Variants in FBXL13 observed in about 807,000 individuals in gnomAD.
The protein encoded by FBXL13 is F-box and leucine-rich repeat protein 13.
A neutral mutation model predicts 83.6 loss-of-function variants in FBXL13; 67 were observed. The ratio of observed to expected loss-of-function variants is 0.80; its 90% CI spans 0.66 to 0.98. The LOEUF is 0.98. Among genes scored for constraint, FBXL13 ranks in the 50% least tolerant of loss-of-function variants. The probability of loss-of-function intolerance (pLI) is 0.00; values close to 1 mark genes in which losing one functional copy is unlikely to be tolerated. For missense variants in FBXL13, 822 were observed against 866.5 expected, an observed-to-expected ratio of 0.95 and a Z score of 0.64; for synonymous variants, 272 against 299.5, an observed-to-expected ratio of 0.91 and a Z score of 0.95.
At chr7:102,915,060 T>C (rs1815561235) in intron 10 of FBXL13, among the ~76,000 whole-genome samples, 1 of 152,130 alleles carries the variant, frequency 6.6e-6, no homozygotes. Flanking sequence ...GCCCTGACAC[T>C]TACTGCAACC....
chr7:102,973,254 C>T (rs928753806), intron 6 of FBXL13: 6 of 349,424 alleles, frequency 1.7e-5, no homozygotes, highest in Admixed American at 1.4e-4. Context: ...GAATGAGTAA[C>T]TCCTCTCTTC....
chr7:102,817,680 T>TA (rs1237118683), intron 19 of FBXL13, among the ~76,000 whole-genome samples: 1 of 152,154 alleles, frequency 6.6e-6, no homozygotes, highest in African/African-American at 2.4e-5. Flanking sequence ...CCCCTCCCCT[T>TA]TCTCTCTTAA....
At chr7:102,833,675 A>C (rs1584502911) in intron 17 of FBXL13, among the ~76,000 whole-genome samples, 2 of 146,182 alleles carry the variant, frequency 1.4e-5, no homozygotes, top group South Asian at 2.2e-4. Flanking sequence ...CAAGTGATCC[A>C]CCCTCCCAAA....
chr7:102,951,590 T>A (rs1823413462), intron 8 of FBXL13, among the ~76,000 whole-genome samples: 1 of 151,632 alleles, frequency 6.6e-6, no homozygotes, highest in Non-Finnish European at 1.5e-5. Context: ...GGAGGATCAC[T>A]TGAGTTCAGG....
chr7:102,877,486 C>A, exon 16 of FBXL13: 1 of 1,606,850 alleles, frequency 6.2e-7, no homozygotes, highest in Non-Finnish European at 8.5e-7. Flanking sequence ...GATGTCTGTT[C>A]CAGAGAGATC....
exon 18 of FBXL13, chr7:102,832,915 C>T (rs114753278): frequency 3.1e-6 from 5 of 1,614,202 alleles, no homozygotes; most frequent in Admixed American, 3.3e-5. Flanking sequence ...TCATATCTGA[C>T]AGCTGGGAGC....
chr7:102,839,847 C>G (rs1163542271), intron 17 of FBXL13, among the ~76,000 whole-genome samples: 1 of 151,944 alleles, frequency 6.6e-6, no homozygotes, highest in East Asian at 1.9e-4. Flanking sequence ...TATATTTAAA[C>G]ATATAAAATA....
chr7:102,882,397 A>G (rs1274051370), intron 14 of FBXL13, among the ~76,000 whole-genome samples: 1 of 152,206 alleles, frequency 6.6e-6, no homozygotes, highest in Non-Finnish European at 1.5e-5. Context: ...ATCTGGCCCT[A>G]TAAGATTATA....
rs193274850 is a variant in FBXL13, at chr7:102,925,751, G to C, written c.878+523C>G. ...GAAGTCAGGAGTTTGAGACCAGCCT[G>C]ACCAACATGGAGAAACCCCATCTCT... On this transcript the variant is annotated intron_variant, in intron 10 of 19. Transcript: ENST00000313221. Among the ~76,000 whole-genome samples, 7 of 152,222 alleles carry C rather than the reference G, an allele frequency of 4.6e-5. No homozygotes were observed. The East Asian group carries it at 1.4e-3, about 30-fold the overall frequency.
chr7:103,032,600 T>C (rs1481656067), intron 2 of FBXL13, among the ~76,000 whole-genome samples: 9 of 152,250 alleles, frequency 5.9e-5, no homozygotes, highest in African/African-American at 1.7e-4. Context: ...AGGATTTCAA[T>C]AGCTACAGAA....
chr7:102,898,618 C>T (rs1243840479), intron 11 of FBXL13, among the ~76,000 whole-genome samples: 1 of 151,964 alleles, frequency 6.6e-6, no homozygotes, highest in East Asian at 1.9e-4. Context: ...TTTGGCCAAA[C>T]TTACCCCAAA....
chr7:102,854,398 C>T (rs1311181374), intron 17 of FBXL13, among the ~76,000 whole-genome samples: 2 of 152,100 alleles, frequency 1.3e-5, no homozygotes, highest in Non-Finnish European at 2.9e-5. Context: ...GGAGGGATAG[C>T]ATTGGGAGAT....
chr7:102,889,945 T>C (rs1303122346), intron 11 of FBXL13, among the ~76,000 whole-genome samples: 1 of 144,838 alleles, frequency 6.9e-6, no homozygotes, highest in African/African-American at 2.5e-5. Context: ...GGGTGATCCT[T>C]ACAACACAGC....
intron 6 of FBXL13, among the ~76,000 whole-genome samples, chr7:102,989,745 T>C (rs1421427384): frequency 6.6e-6 from 1 of 152,226 alleles, no homozygotes; most frequent in African/African-American, 2.4e-5. Flanking sequence ...TCAGAAAATA[T>C]GTCCACTTCC....
At chr7:103,042,312 C>T (rs1189852989) in intron 2 of FBXL13, among the ~76,000 whole-genome samples, 1 of 152,020 alleles carries the variant, frequency 6.6e-6, no homozygotes, top group African/African-American at 2.4e-5. Context: ...TACTGCTCAA[C>T]ACAATAAAAG....
At chr7:102,906,704 T>G (rs983444818) in intron 11 of FBXL13, among the ~76,000 whole-genome samples, 1 of 152,228 alleles carries the variant, frequency 6.6e-6, no homozygotes, top group African/African-American at 2.4e-5. Context: ...CACTGAAAAG[T>G]TTGCTGCCAA....
chr7:102,956,443 A>C lies in FBXL13; in HGVS notation c.724+7090T>G, dbSNP rs535778806. 6.3e-3 allele frequency among the ~76,000 whole-genome samples: 961 copies of C among 152,316 alleles called. 5 individuals carry two copies. Among genetic ancestry groups the C allele is most frequent in the Non-Finnish European group, 0.011 (750 of 68,034 alleles). ...GCCAATATCATACTGAATGGGCAAA[A>C]TTTGGAAGCATTCCCTTTGAAAACC... On this transcript the variant is annotated intron_variant, in intron 8 of 19. Coordinates refer to ENST00000313221, the Ensembl canonical transcript of FBXL13.
At chr7:102,945,391 G>A (rs751746363) in intron 8 of FBXL13, among the ~76,000 whole-genome samples, 7 of 152,088 alleles carry the variant, frequency 4.6e-5, no homozygotes, top group Non-Finnish European at 8.8e-5. Flanking sequence ...CCACCTGTCC[G>A]TGAGAAAGGG....
At position 103,008,436 on chromosome 7, in the gene FBXL13, T is replaced by G. The variant is rs187347817; in HGVS notation, c.495+16627A>C. ...AAATACATCAATAATATTCATGGCATCATGCTGGCAACTTACTCTCAAATT... is the reference window on the plus strand; with the variant it reads ...AAATACATCAATAATATTCATGGCAGCATGCTGGCAACTTACTCTCAAATT... On this transcript the variant is annotated intron_variant, in intron 6 of 19. Coordinates refer to ENST00000313221, the Ensembl canonical transcript of FBXL13. Among the ~76,000 whole-genome samples the G allele has an allele frequency of 8.2e-4, 125 of 152,350 alleles. 1 individual carries two copies. The highest frequency in any genetic ancestry group is 6.8e-3 in the Middle Eastern group (2 of 294).
Sources: gnomAD v4.1 joint callset for allele counts (sites outside exome capture counted in the v4.1 genomes callset) on GRCh38, gnomAD v4.1.1 for gene constraint, MANE v1.5 for transcripts, NCBI Gene and HGNC (gene_info 2026-07-23, HGNC 2026-07-21) for gene names.